The following BACH2 variants were observed in gnomAD, a reference collection of about 807,000 sequenced individuals.
The protein encoded by BACH2 is BACH transcriptional regulator 2, also known as transcription regulator protein BACH2.
A neutral mutation model predicts 61.8 loss-of-function variants in BACH2; 5 were observed. The observed-to-expected ratio is 0.08, with a 90% CI of 0.04 to 0.17. BACH2 has a LOEUF of 0.17. Among genes scored for constraint, BACH2 ranks in the 10% least tolerant of loss-of-function variants. BACH2 has a pLI of 1.00. For missense variants in BACH2, 824 were observed against 1,091.1 expected (o/e 0.76, Z 3.45); for synonymous variants, 446 against 440.1 (o/e 1.01, Z -0.17).
intron 4 of BACH2, among the ~76,000 whole-genome samples, chr6:90,165,889 C>T (rs1767594724): frequency 6.6e-6 from 1 of 152,118 alleles, no homozygotes; most frequent in Non-Finnish European, 1.5e-5. Context: ...CTTCCTTACA[C>T]CTTATACAAA....
intron 7 of BACH2, among the ~76,000 whole-genome samples, chr6:89,948,266 C>T (rs1197524432): frequency 6.6e-6 from 1 of 151,852 alleles, no homozygotes; most frequent in Non-Finnish European, 1.5e-5. Flanking sequence ...GAGTGCAGTG[C>T]CACCATCTCA....
Position 89,931,955 on chromosome 6 carries a change from ATAT to A in BACH2, c.*450_*452del, listed in dbSNP as rs887136118. ...TATGGATATATATATATATATATATATATTTTATATATATATTATATATAATAT... is the reference window on the plus strand; with the variant it reads ...TATGGATATATATATATATATATATATTTATATATATATTATATATAATAT... On this transcript the variant is annotated 3_prime_UTR_variant, in exon 9 of 9. Transcript: ENST00000257749. 1.4e-5 allele frequency: 2 copies of A among 144,486 alleles called. No individual in the cohort carries two copies. Among genetic ancestry groups the A allele is most frequent in the Non-Finnish European group, 3.0e-5 (2 of 66,222 alleles). The allele number at this position is 144,486 out of a possible 1,614,324, so 9.0% of individuals were successfully genotyped here.
intron 6 of BACH2, among the ~76,000 whole-genome samples, chr6:89,966,693 C>T (rs1026434511): frequency 1.2e-4 from 18 of 152,178 alleles, no homozygotes; most frequent in African/African-American, 4.3e-4. Context: ...ATCAGCACAG[C>T]CATGGGTGCC....
At chr6:90,009,636 T>G (rs1582187733) in intron 5 of BACH2, among the ~76,000 whole-genome samples, 1 of 152,230 alleles carries the variant, frequency 6.6e-6, no homozygotes, top group Non-Finnish European at 1.5e-5. Context: ...AAAAGGTTCT[T>G]TGCTTTAAAA....
At chr6:90,151,356 C>A (rs956863025) in intron 4 of BACH2, among the ~76,000 whole-genome samples, 2 of 152,224 alleles carry the variant, frequency 1.3e-5, no homozygotes, top group East Asian at 3.9e-4. Context: ...ACAATCACAC[C>A]TTACTGTAGC....
At chr6:90,129,961 C>CA (rs928935838) in intron 4 of BACH2, among the ~76,000 whole-genome samples, 1 of 152,140 alleles carries the variant, frequency 6.6e-6, no homozygotes, top group Admixed American at 6.5e-5. Context: ...CCTCCACCTC[C>CA]AGGGTTCAAG....
rs139232960 is a variant in BACH2, at chr6:90,124,220, C to T, written c.-161-35111G>A. On this transcript the variant is annotated intron_variant, in intron 4 of 8. Transcript: ENST00000257749. Reference sequence around the variant, plus strand: ...CAGCTGCAGCCAACTTTTAAAAAAACGTGTCCAACAGGCTATTTATTATTT... The same window carrying T: ...CAGCTGCAGCCAACTTTTAAAAAAATGTGTCCAACAGGCTATTTATTATTT... Among the ~76,000 whole-genome samples the T allele has an allele frequency of 9.2e-5, 14 of 152,282 alleles. No individual in the cohort carries two copies. The South Asian group carries it at 2.5e-3, about 27-fold the overall frequency.
intron 3 of BACH2, among the ~76,000 whole-genome samples, chr6:90,244,992 G>A (rs1046268437): frequency 2.6e-5 from 4 of 151,854 alleles, no homozygotes; most frequent in African/African-American, 4.8e-5. Context: ...TCAGGAGTTC[G>A]AGACCAGCTT....
Position 90,189,316 on chromosome 6 carries a change from A to G in BACH2, c.-162+17253T>C, listed in dbSNP as rs534681720. Among the ~76,000 whole-genome samples the G allele has an allele frequency of 2.6e-5, 4 of 152,304 alleles. No individual in the cohort carries two copies. In the East Asian group the frequency reaches 7.7e-4, roughly 29 times the overall value. On this transcript the variant is annotated intron_variant, in intron 4 of 8. Coordinates refer to ENST00000257749, the MANE Select transcript of BACH2 (RefSeq NM_021813.4). ...TGAATGTGCAAGTTAACACTTCAAG[A>G]GTGGGCTTCCGGCCGGGCGCGGTGG...
At chr6:90,166,068 TTAAAC>T (rs1767604675) in intron 4 of BACH2, among the ~76,000 whole-genome samples, 1 of 151,910 alleles carries the variant, frequency 6.6e-6, no homozygotes, top group Admixed American at 6.6e-5. Context: ...TGGGATCTAA[TTAAAC>T]TAAAGAGCTT....
intron 5 of BACH2, among the ~76,000 whole-genome samples, chr6:90,085,378 G>A (rs1038941932): frequency 1.3e-5 from 2 of 152,140 alleles, no homozygotes; most frequent in Non-Finnish European, 2.9e-5. Flanking sequence ...AAGCCACAGT[G>A]AGGCACACAG....
chr6:90,267,386 CAG>C (rs1431750556), intron 2 of BACH2, among the ~76,000 whole-genome samples: 1 of 152,108 alleles, frequency 6.6e-6, no homozygotes, highest in Non-Finnish European at 1.5e-5. Flanking sequence ...CTTTACACCG[CAG>C]AGAGAGAACA....
rs138868869 is a variant in BACH2 at position 89,951,637 on chromosome 6, C to T, written c.469G>A (p.Glu157Lys). ...TCCTCCTCCTCTCCTGCAGAGTTCT[C>T]GCAGTCCTCGTGTGGGCGCTGGCAC... ...AACQRPHEDC[E>K]NSAGEEEDEE... The change falls in exon 7 of 9, where the codon GAG becomes AAG. Residue 157 changes from glutamate (E) to lysine (K), a missense_variant. Physicochemically the swap from Glu to Lys is moderately conservative, Grantham distance 56. Coordinates refer to ENST00000257749, the MANE Select transcript of BACH2 (RefSeq NM_021813.4). The surrounding 1 kb of genome is among the most constrained non-coding windows in gnomAD (Gnocchi z 6.4). The T allele has an allele frequency of 4.8e-5, 77 of 1,614,110 alleles. No individual in the cohort carries two copies. Among genetic ancestry groups the T allele is most frequent in the African/African-American group, 3.5e-4 (26 of 74,946 alleles).
At chr6:90,168,109 A>C (rs908462251) in intron 4 of BACH2, among the ~76,000 whole-genome samples, 2 of 152,228 alleles carry the variant, frequency 1.3e-5, no homozygotes, top group African/African-American at 4.8e-5. Context: ...CTGTAATCTC[A>C]GTACTTTGGG....
At chr6:90,270,850 A>C (rs551531439) in intron 2 of BACH2, among the ~76,000 whole-genome samples, 1 of 152,336 alleles carries the variant, frequency 6.6e-6, no homozygotes, top group East Asian at 1.9e-4. Context: ...TAGTTGCCAA[A>C]ACAGCATGGT....
At chr6:90,258,374 T>C (rs772418822) in intron 2 of BACH2, among the ~76,000 whole-genome samples, 7 of 152,164 alleles carry the variant, frequency 4.6e-5, no homozygotes, top group Admixed American at 4.6e-4. Context: ...GTTGACTATA[T>C]ATACGTGGAT....
At chr6:89,934,726 G>A (rs977949179) in intron 8 of BACH2, among the ~76,000 whole-genome samples, 2 of 152,102 alleles carry the variant, frequency 1.3e-5, no homozygotes, top group Admixed American at 6.5e-5. Context: ...CACACACAAT[G>A]AAGTGGATGA....
intron 4 of BACH2, among the ~76,000 whole-genome samples, chr6:90,132,166 C>T (rs879521780): frequency 2.6e-5 from 4 of 152,178 alleles, no homozygotes; most frequent in Admixed American, 2.6e-4. Context: ...AGAGACTCAT[C>T]CAAAGAGTGT....
At chr6:89,967,373 A>G (rs1775101450) in intron 6 of BACH2, among the ~76,000 whole-genome samples, 3 of 152,174 alleles carry the variant, frequency 2.0e-5, no homozygotes, top group Admixed American at 2.0e-4. Flanking sequence ...GAATCAAACT[A>G]TTTCTGAGTT....
Sources: gnomAD v4.1 joint callset for allele counts (sites outside exome capture counted in the v4.1 genomes callset) on GRCh38, gnomAD v4.1.1 for gene constraint, Gnocchi (gnomAD v3.1) non-coding constraint, MANE v1.5 for transcripts, NCBI Gene and HGNC (gene_info 2026-07-23, HGNC 2026-07-21) for gene names.